The following AGBL4 variants were observed in gnomAD, a reference collection of about 807,000 sequenced individuals.
AGBL4 encodes AGBL carboxypeptidase 4, also known as cytosolic carboxypeptidase 6.
A neutral mutation model predicts 66.4 loss-of-function variants in AGBL4; 58 were observed. The ratio of observed to expected loss-of-function variants is 0.87; its 90% CI spans 0.71 to 1.09. AGBL4 has a LOEUF of 1.09. Ranked by LOEUF, AGBL4 falls within the 50% of genes least tolerant of loss-of-function variation. The probability of loss-of-function intolerance (pLI) is 0.00; values close to 1 mark genes in which losing one functional copy is unlikely to be tolerated. For synonymous variants in AGBL4, 234 were observed against 222.9 expected (o/e 1.05, Z -0.44); for missense variants, 579 against 631.0 (o/e 0.92, Z 0.88).
chr1:49,740,570 T>A (rs1650357216), intron 2 of AGBL4, among the ~76,000 whole-genome samples: 1 of 151,998 alleles, frequency 6.6e-6, no homozygotes, highest in Non-Finnish European at 1.5e-5. Context: ...CCTACAGAAC[T>A]CTCCACCCCA....
At chr1:49,401,363 A>G (rs2148611597) in intron 3 of AGBL4, among the ~76,000 whole-genome samples, 1 of 152,340 alleles carries the variant, frequency 6.6e-6, no homozygotes, top group South Asian at 2.1e-4. Context: ...GGGGATTATC[A>G]GAATTCAAGA....
chr1:48,653,183 A>G (rs1169811675), intron 8 of AGBL4, among the ~76,000 whole-genome samples, 154 bp downstream of exon 8: 8 of 152,246 alleles, frequency 5.3e-5, no homozygotes, highest in Admixed American at 5.2e-4. Flanking sequence ...AAAGCTAATT[A>G]AAGAAATTCT....
chr1:48,608,022 G>A (rs541483456), intron 9 of AGBL4, among the ~76,000 whole-genome samples: 8 of 152,290 alleles, frequency 5.3e-5, no homozygotes, highest in African/African-American at 1.7e-4. Context: ...TATTCCCCAC[G>A]ATAAAATACT....
At chr1:49,675,159 T>C (rs1055369844) in intron 3 of AGBL4, among the ~76,000 whole-genome samples, 9 of 152,088 alleles carry the variant, frequency 5.9e-5, no homozygotes, top group African/African-American at 2.2e-4. Flanking sequence ...AACCAAGGGA[T>C]AAGACACTGT....
At chr1:48,574,544 T>C (rs993562065) in intron 11 of AGBL4, among the ~76,000 whole-genome samples, 13 of 151,650 alleles carry the variant, frequency 8.6e-5, no homozygotes, top group African/African-American at 1.2e-4. Context: ...TTTCTTTTTT[T>C]TTTTTTTGAA....
intron 6 of AGBL4, among the ~76,000 whole-genome samples, chr1:48,753,750 C>G (rs566838836): frequency 1.3e-5 from 2 of 152,194 alleles, no homozygotes; most frequent in Non-Finnish European, 2.9e-5. Flanking sequence ...ATAAGACTAT[C>G]GGAATTGTCC....
At chr1:48,941,172 C>T (rs1183314382) in intron 5 of AGBL4, among the ~76,000 whole-genome samples, 1 of 152,184 alleles carries the variant, frequency 6.6e-6, no homozygotes, top group Non-Finnish European at 1.5e-5. Flanking sequence ...TAGTGAATAT[C>T]AGATACTCTG....
intron 1 of AGBL4, among the ~76,000 whole-genome samples, chr1:49,887,199 A>ATATATATATACATTGTGTG (rs1409304282): frequency 1.3e-5 from 2 of 149,622 alleles, no homozygotes; most frequent in South Asian, 4.2e-4. Flanking sequence ...ATGTGTATGT[A>ATATATATATACATTGTGTG]TATATATATA....
At chr1:48,662,713 G>T (rs543584461) in intron 7 of AGBL4, among the ~76,000 whole-genome samples, 1 of 152,276 alleles carries the variant, frequency 6.6e-6, no homozygotes, top group Admixed American at 6.5e-5. Context: ...TTGTTTAAGT[G>T]AATGATTGAA....
chr1:48,549,587 C>T (rs991182012), intron 11 of AGBL4, among the ~76,000 whole-genome samples: 8 of 151,440 alleles, frequency 5.3e-5, no homozygotes, highest in African/African-American at 1.7e-4. Flanking sequence ...AGACCAAAAG[C>T]GAAAGAGATG....
intron 5 of AGBL4, among the ~76,000 whole-genome samples, chr1:48,974,483 G>A (rs886652701): frequency 1.1e-4 from 17 of 152,150 alleles, no homozygotes; most frequent in African/African-American, 3.1e-4. Context: ...TTATAGACCT[G>A]AGGAGGAGAT....
intron 3 of AGBL4, among the ~76,000 whole-genome samples, chr1:49,271,775 A>G (rs1276050678): frequency 1.3e-5 from 2 of 148,640 alleles, no homozygotes; most frequent in African/African-American, 5.0e-5. Context: ...CCAATGACTC[A>G]GCGTCTTAAT....
At chr1:49,400,401 T>C (rs1645059573) in intron 3 of AGBL4, among the ~76,000 whole-genome samples, 1 of 152,226 alleles carries the variant, frequency 6.6e-6, no homozygotes, top group South Asian at 2.1e-4. Flanking sequence ...AGGAATTTTT[T>C]TTCTATTTCA....
chr1:49,822,181 C>T (rs1024892362), intron 2 of AGBL4, among the ~76,000 whole-genome samples: 6 of 152,120 alleles, frequency 3.9e-5, no homozygotes, highest in African/African-American at 1.4e-4. Context: ...AACATAAAGA[C>T]AGATGATAAG....
At chr1:49,465,612 G>A (rs929453226) in intron 3 of AGBL4, among the ~76,000 whole-genome samples, 7 of 151,754 alleles carry the variant, frequency 4.6e-5, no homozygotes, top group African/African-American at 1.7e-4. Context: ...AGGCTTTCAG[G>A]AGAAAGACAA....
At chr1:48,829,878 C>T (rs1378906210) in intron 6 of AGBL4, among the ~76,000 whole-genome samples, 1 of 152,016 alleles carries the variant, frequency 6.6e-6, no homozygotes, top group African/African-American at 2.4e-5. Flanking sequence ...TATCAAAATA[C>T]ATTTTTTTTC....
In AGBL4 at chr1:49,002,600, A is replaced by G. The variant is rs570626761; in HGVS notation, c.594+42984T>C. ...AAGGTCTCATCGGTTTCAATTCTCA[A>G]CAATGTAATGTGTATTTTTTCTTAT... On this transcript the variant is annotated intron_variant, in intron 5 of 13. Coordinates refer to ENST00000371839, the MANE Select transcript of AGBL4 (RefSeq NM_032785.4). Among the ~76,000 whole-genome samples, 12 of 152,362 alleles carry G rather than the reference A, an allele frequency of 7.9e-5. No individual in the cohort carries two copies. The East Asian group carries it at 2.3e-3, about 29-fold the overall frequency.
chr1:49,656,337 C>T (rs1646131592), intron 3 of AGBL4, among the ~76,000 whole-genome samples: 1 of 152,152 alleles, frequency 6.6e-6, no homozygotes, highest in African/African-American at 2.4e-5. Context: ...AGACCAATAA[C>T]AGGCTCTGAA....
chr1:48,630,733 C>T (rs1258342515), intron 9 of AGBL4, among the ~76,000 whole-genome samples: 2 of 152,204 alleles, frequency 1.3e-5, no homozygotes, highest in Non-Finnish European at 2.9e-5. Flanking sequence ...CTCAGTGGCT[C>T]CCTATTCCCA....
Sources: allele counts gnomAD v4.1 joint callset (sites outside exome capture counted in the v4.1 genomes callset), GRCh38; gene constraint gnomAD v4.1.1; transcripts MANE v1.5; gene names NCBI Gene and HGNC (gene_info 2026-07-23, HGNC 2026-07-21).